Variants in CERS6 observed in about 807,000 individuals in gnomAD.
CERS6 encodes LAG1 homolog, ceramide synthase 6.
CERS6 carries 26 observed loss-of-function variants against 56.8 expected under a neutral mutation model. The observed-to-expected ratio is 0.46, with a 90% CI of 0.34 to 0.63. CERS6 has a LOEUF of 0.63. Among genes scored for constraint, CERS6 ranks in the 30% least tolerant of loss-of-function variants. CERS6 has a pLI of 0.01. For synonymous variants in CERS6, 164 were observed against 173.3 expected (o/e 0.95, Z 0.42); for missense variants, 415 against 467.5 (o/e 0.89, Z 1.04).
intron 3 of CERS6, among the ~76,000 whole-genome samples, chr2:168,628,417 T>C (rs1459659160): frequency 6.6e-6 from 1 of 152,212 alleles, no homozygotes; most frequent in Non-Finnish European, 1.5e-5. Flanking sequence ...AAGTTTCATA[T>C]AAAGCAGCTA....
intron 3 of CERS6, among the ~76,000 whole-genome samples, chr2:168,608,586 A>T (rs1213817165): frequency 6.6e-6 from 1 of 152,230 alleles, no homozygotes; most frequent in East Asian, 1.9e-4. Context: ...GTGGGGTGTG[A>T]AGTGATATCT....
At chr2:168,564,679 G>T (rs912942857) in intron 3 of CERS6, among the ~76,000 whole-genome samples, 5 of 152,088 alleles carry the variant, frequency 3.3e-5, no homozygotes, top group South Asian at 4.1e-4. Context: ...TCCAGGCCAG[G>T]AACTTCCTCT....
chr2:168,721,698 A>G (rs2105398639), intron 8 of CERS6, among the ~76,000 whole-genome samples: 1 of 150,732 alleles, frequency 6.6e-6, no homozygotes, highest in African/African-American at 2.4e-5. Context: ...AGCTCATTGC[A>G]GCCTTGAACT....
intron 4 of CERS6, among the ~76,000 whole-genome samples, chr2:168,662,857 G>A (rs954374664): frequency 1.3e-5 from 2 of 152,330 alleles, no homozygotes; most frequent in Non-Finnish European, 2.9e-5. Context: ...CAAACATCTT[G>A]TTGGCATATA....
chr2:168,460,366 T>G (rs761404453), intron 1 of CERS6, among the ~76,000 whole-genome samples: 7 of 152,052 alleles, frequency 4.6e-5, no homozygotes, highest in Non-Finnish European at 1.0e-4. Flanking sequence ...AGCTAATTTT[T>G]TGTAATTTTT....
chr2:168,467,870 TG>T (rs899797227), intron 1 of CERS6, among the ~76,000 whole-genome samples: 2 of 152,064 alleles, frequency 1.3e-5, no homozygotes, highest in South Asian at 2.1e-4. Context: ...GGTATATGTG[TG>T]GGGGGGCCCA....
chr2:168,600,236 G>A (rs1320864806), intron 3 of CERS6, among the ~76,000 whole-genome samples: 3 of 143,300 alleles, frequency 2.1e-5, no homozygotes, highest in East Asian at 2.0e-4. Context: ...TCGGAGTCTG[G>A]CTCTGTCGCC....
chr2:168,622,334 C>T (rs907172324), intron 3 of CERS6, among the ~76,000 whole-genome samples: 3 of 152,200 alleles, frequency 2.0e-5, no homozygotes, highest in Admixed American at 6.5e-5. Context: ...CATTCAAAGC[C>T]GTCCTGGCCT....
chr2:168,724,635 C>T (rs926031972), intron 8 of CERS6, among the ~76,000 whole-genome samples: 1 of 152,128 alleles, frequency 6.6e-6, no homozygotes, highest in Admixed American at 6.5e-5. Flanking sequence ...CATAAAGGTT[C>T]TCCAAGGCCC....
intron 9 of CERS6, among the ~76,000 whole-genome samples, chr2:168,768,378 C>T (rs1271394062): frequency 6.6e-6 from 1 of 151,438 alleles, no homozygotes; most frequent in African/African-American, 2.4e-5. Flanking sequence ...TACAGACATG[C>T]GCCACCACAC....
chr2:168,567,562 A>G (rs147964559), intron 3 of CERS6, among the ~76,000 whole-genome samples: 7 of 152,376 alleles, frequency 4.6e-5, no homozygotes, highest in African/African-American at 1.4e-4. Context: ...ACATTACAAA[A>G]AATAAAAGCT....
chr2:168,728,602 G>A (rs1465315083), intron 8 of CERS6, among the ~76,000 whole-genome samples: 1 of 151,344 alleles, frequency 6.6e-6, no homozygotes, highest in African/African-American at 2.4e-5. Context: ...GACCAGGCTG[G>A]TCTCGAACTC....
chr2:168,521,088 G>A (rs1017956583), intron 1 of CERS6, among the ~76,000 whole-genome samples: 8 of 152,170 alleles, frequency 5.3e-5, no homozygotes, highest in African/African-American at 1.9e-4. Context: ...AAGTTTGGTA[G>A]AATTGGTTTA....
At chr2:168,474,246 G>A (rs557177928) in intron 1 of CERS6, among the ~76,000 whole-genome samples, 7 of 152,198 alleles carry the variant, frequency 4.6e-5, no homozygotes, top group African/African-American at 1.7e-4. Context: ...TGATTTAACG[G>A]CTTTTCCATA....
intron 1 of CERS6, among the ~76,000 whole-genome samples, chr2:168,474,225 T>C (rs1448604968): frequency 6.6e-6 from 1 of 152,238 alleles, no homozygotes; most frequent in African/African-American, 2.4e-5. Context: ...GTTATGTGGG[T>C]GTTTCCTAGT....
chr2:168,737,715 T>G (rs910282047), intron 8 of CERS6, among the ~76,000 whole-genome samples: 2 of 152,232 alleles, frequency 1.3e-5, no homozygotes, highest in African/African-American at 4.8e-5. Context: ...AATTCAATAT[T>G]AAGCAGCATT....
chr2:168,711,444 G>A (rs1014116096), intron 6 of CERS6, among the ~76,000 whole-genome samples: 1 of 152,164 alleles, frequency 6.6e-6, no homozygotes, highest in Non-Finnish European at 1.5e-5. Context: ...TCTCTTAATT[G>A]TATAGATAGC....
At chr2:168,464,170 C>CTT (rs200228535) in intron 1 of CERS6, among the ~76,000 whole-genome samples, 5 of 75,426 alleles carry the variant, frequency 6.6e-5, no homozygotes, top group African/African-American at 2.4e-4. Context: ...CATATTTATA[C>CTT]TTTTTGTGTG....
At chr2:168,574,832 C>T (rs551082130) in intron 3 of CERS6, among the ~76,000 whole-genome samples, 2 of 152,096 alleles carry the variant, frequency 1.3e-5, no homozygotes, top group Non-Finnish European at 2.9e-5. Flanking sequence ...ATTAAATCCC[C>T]AAATGTTTGA....
Sources: gnomAD v4.1 joint callset for allele counts (sites outside exome capture counted in the v4.1 genomes callset) on GRCh38, gnomAD v4.1.1 for gene constraint, MANE v1.5 for transcripts, NCBI Gene and HGNC (gene_info 2026-07-23, HGNC 2026-07-21) for gene names.